Variants in HK1 observed in about 807,000 individuals in gnomAD.
The protein encoded by HK1 is hexokinase-1.
A neutral mutation model predicts 91.6 loss-of-function variants in HK1; 28 were observed. That is an observed-to-expected ratio of 0.31 (90% CI 0.23 to 0.42). The LOEUF is 0.42. Among genes scored for constraint, HK1 ranks in the 10% least tolerant of loss-of-function variants. The pLI, the probability that HK1 is intolerant of heterozygous loss-of-function variation, is 1.00. For missense variants in HK1, 770 were observed against 1,219.8 expected, an observed-to-expected ratio of 0.63 and a Z score of 5.49; for synonymous variants, 430 against 468.1, an observed-to-expected ratio of 0.92 and a Z score of 1.05.
chr10:69,338,423 G>A, intron 1 of HK1: 1 of 1,241,546 alleles, frequency 8.1e-7, no homozygotes, highest in Non-Finnish European at 1.0e-6. Flanking sequence ...ATTCGTCTCA[G>A]ACACTGGTTT....
At chr10:69,326,583 T>C (rs1414243395) in intron 1 of HK1, among the ~76,000 whole-genome samples, 1 of 152,260 alleles carries the variant, frequency 6.6e-6, no homozygotes, top group Non-Finnish European at 1.5e-5. Context: ...TTTAATGTTT[T>C]ACCTTGGAAC....
At position 69,306,283 on chromosome 10, in the gene HK1, G is replaced by A. The variant is rs575492969; in HGVS notation, c.27+5422G>A. ...TGAGGCAGGAGAATGGTGTGAATCC[G>A]GGAGGTGGAGCTTGCAGTGAGCTGA... On this transcript the variant is annotated intron_variant, in intron 5 of 21. Transcript: ENST00000360289. 2.0e-5 allele frequency among the ~76,000 whole-genome samples: 3 copies of A among 152,048 alleles called. No individual in the cohort carries two copies. The South Asian group carries it at 6.2e-4, about 32-fold the overall frequency.
rs545888347 is a variant in HK1, at chr10:69,389,504, A to G, written c.2035+208A>G. 9 of 630,922 alleles carry G rather than the reference A, an allele frequency of 1.4e-5. No homozygotes were observed. The African/African-American group carries it at 1.4e-4, about 10-fold the overall frequency. The allele number at this position is 630,922 out of a possible 1,614,324, so 39.1% of individuals were successfully genotyped here. ...TGGGGGGGCCTTTCTTAAGACACCC[A>G]TAATGCTACACATTGCTTATGATCA... On this transcript the variant is annotated intron_variant, in intron 14 of 17. Coordinates refer to ENST00000359426, the MANE Select transcript of HK1 (RefSeq NM_000188.3).
intron 7 of HK1, among the ~76,000 whole-genome samples, chr10:69,375,055 A>AT (rs11389885): frequency 0.4 from 60,877 of 152,028 alleles, 14,029 homozygotes; most frequent in African/African-American, 0.63. Context: ...CAAAATGTGG[A>AT]TTGCCACTTG....
chr10:69,278,033 C>CA (rs34610927), intron 1 of HK1, among the ~76,000 whole-genome samples: 66,917 of 146,358 alleles, frequency 0.46, 15,358 homozygotes, highest in East Asian at 0.74. Flanking sequence ...GACTCCGTCT[C>CA]AAAAAAAAAA....
chr10:69,326,863 G>C (rs114180147), intron 1 of HK1, among the ~76,000 whole-genome samples: 2 of 151,946 alleles, frequency 1.3e-5, no homozygotes, highest in Non-Finnish European at 2.9e-5. Context: ...ATGTTTTTAC[G>C]CTTTTATTAC....
intron 7 of HK1, among the ~76,000 whole-genome samples, chr10:69,371,139 G>A (rs368407955): frequency 1.1e-4 from 16 of 152,248 alleles, no homozygotes; most frequent in East Asian, 7.7e-4. Flanking sequence ...TTCATCAATG[G>A]CGAGCTCCCC....
intron 2 of HK1, among the ~76,000 whole-genome samples, chr10:69,351,001 T>A (rs1261925458): frequency 2.7e-5 from 3 of 111,726 alleles, no homozygotes; most frequent in Admixed American, 1.8e-4. Context: ...AAACCCCGTC[T>A]CTACTAAAAA....
intron 1 of HK1, among the ~76,000 whole-genome samples, chr10:69,342,675 G>A (rs1848351904): frequency 6.6e-6 from 1 of 152,188 alleles, no homozygotes; most frequent in South Asian, 2.1e-4. Flanking sequence ...CTGCAGTGGT[G>A]TAGAAGATGG....
intron 5 of HK1, chr10:69,300,868 A>T: frequency 7.3e-7 from 1 of 1,371,062 alleles, no homozygotes. Flanking sequence ...TTTTGTACGT[A>T]GAAAATCCTG....
chr10:69,349,471 A>C (rs758371361), intron 2 of HK1, among the ~76,000 whole-genome samples: 1 of 152,228 alleles, frequency 6.6e-6, no homozygotes, highest in Non-Finnish European at 1.5e-5. Flanking sequence ...TTCCTAACCA[A>C]TGGAGCCAGT....
intron 2 of HK1, among the ~76,000 whole-genome samples, chr10:69,357,936 A>G (rs1849214002): frequency 6.6e-6 from 1 of 152,132 alleles, no homozygotes; most frequent in African/African-American, 2.4e-5. Context: ...TGGTTGCATA[A>G]CTCCGAATAT....
intron 1 of HK1, among the ~76,000 whole-genome samples, chr10:69,272,504 T>A (rs1223836410): frequency 2.0e-5 from 3 of 152,222 alleles, no homozygotes; most frequent in African/African-American, 7.2e-5. Flanking sequence ...AAATGTCTTT[T>A]TACCCTTCCT....
intron 4 of HK1, 47 bp downstream of exon 4, chr10:69,364,949 GA>G (rs755984405): frequency 3.2e-5 from 52 of 1,611,504 alleles, no homozygotes; most frequent in Non-Finnish European, 4.2e-5. Flanking sequence ...CCCCGGGATG[GA>G]AAAGCTAACA....
rs199809545 is a variant in HK1, at chr10:69,350,665, AAAAC to A, written c.226+6688_226+6691del. 5.1e-3 allele frequency among the ~76,000 whole-genome samples: 783 copies of A among 152,226 alleles called. 2 individuals are homozygous for A. The highest frequency in any genetic ancestry group is 0.024 in the Middle Eastern group (7 of 294). On this transcript the variant is annotated intron_variant, in intron 2 of 17. Coordinates refer to ENST00000359426, the MANE Select transcript of HK1 (RefSeq NM_000188.3). ...CAACAGTGTGAGACTCCATCTCAAA[AAAAC>A]AAACAAACAAAAACATGAAATAAAT...
intron 1 of HK1, 57 bp from the exon 2 acceptor site, chr10:69,343,763 GGTGCCTC>G: frequency 7.7e-7 from 1 of 1,292,066 alleles, no homozygotes; most frequent in Admixed American, 1.7e-5. Context: ...TCAGCGGGTG[GGTGCCTC>G]ACCTTGCCCT....
At chr10:69,306,029 T>C (rs1488451606) in intron 5 of HK1, among the ~76,000 whole-genome samples, 1 of 151,996 alleles carries the variant, frequency 6.6e-6, no homozygotes, top group African/African-American at 2.4e-5. Flanking sequence ...CCACACTTTT[T>C]CCAAAGAGGG....
intron 12 of HK1, among the ~76,000 whole-genome samples, chr10:69,386,017 AT>A (rs2132903946): frequency 6.6e-6 from 1 of 152,318 alleles, no homozygotes; most frequent in South Asian, 2.1e-4. Context: ...CAGGCTTGGA[AT>A]CGGGTGATCT....
chr10:69,272,932 C>T (rs1844243111), intron 1 of HK1, among the ~76,000 whole-genome samples: 1 of 151,468 alleles, frequency 6.6e-6, no homozygotes, highest in Non-Finnish European at 1.5e-5. Context: ...TAGAGCATTT[C>T]ATCCTGTCTT....
Sources: allele counts gnomAD v4.1 joint callset (sites outside exome capture counted in the v4.1 genomes callset), GRCh38; gene constraint gnomAD v4.1.1; transcripts MANE v1.5; gene names NCBI Gene and HGNC (gene_info 2026-07-23, HGNC 2026-07-21).